Variants in STARD5 observed in about 807,000 individuals in gnomAD.
STARD5 encodes the protein StAR related lipid transfer domain containing 5, also known as stAR-related lipid transfer protein 5.
In STARD5, 26 loss-of-function variants were observed where a neutral mutation model predicts 24.6. The ratio of observed to expected loss-of-function variants is 1.06; its 90% CI spans 0.77 to 1.47. STARD5 has a LOEUF of 1.47. STARD5 is among the 40% of genes most tolerant of loss of function. The pLI is 0.00. For missense variants in STARD5, 254 were observed against 270.8 expected (o/e 0.94, Z 0.44); for synonymous variants, 101 against 99.7 (o/e 1.01, Z -0.07).
chr15:81,316,750 G>T (rs1201188893), intron 5 of STARD5, among the ~76,000 whole-genome samples: 1 of 152,214 alleles, frequency 6.6e-6, no homozygotes, highest in Non-Finnish European at 1.5e-5. Context: ...ACAGCCTCAT[G>T]AGAATAACTG....
In STARD5 at chr15:81,309,494, C is replaced by T. The variant is rs1900742717; in HGVS notation, c.*3762G>A. ...TGCCTTGGAAGTTGCATGGCATCACCTCCACCATACTCCATCAGTTAGAGC... is the reference window on the plus strand; with the variant it reads ...TGCCTTGGAAGTTGCATGGCATCACTTCCACCATACTCCATCAGTTAGAGC... On this transcript the variant is annotated 3_prime_UTR_variant, in exon 6 of 6. Coordinates refer to ENST00000302824, the MANE Select transcript of STARD5 (RefSeq NM_181900.3). 6.6e-6 allele frequency: 1 copy of T among 152,394 alleles called. No homozygotes were observed. The highest frequency in any genetic ancestry group is 1.5e-5 in the Non-Finnish European group (1 of 68,124). 9.4% of individuals were successfully genotyped at this position (152,394 alleles called of 1,614,324 possible).
chr15:81,323,061 C>G (rs1893321981), intron 1 of STARD5, 113 bp from the exon 2 acceptor site: 8 of 1,117,574 alleles, frequency 7.2e-6, no homozygotes, highest in Non-Finnish European at 1.1e-5. Context: ...TACGACTCTC[C>G]AAGGCTGTGC....
At position 81,311,110 on chromosome 15, in the gene STARD5, G is replaced by A. The variant is rs1466050106; in HGVS notation, c.*2146C>T. The A allele has an allele frequency of 6.6e-6, 1 of 152,208 alleles. No individual in the cohort carries two copies. The highest frequency in any genetic ancestry group is 2.4e-5 in the African/African-American group (1 of 41,444). The allele number at this position is 152,208 out of a possible 1,614,324, so 9.4% of individuals were successfully genotyped here. ...CATCCATTTGCGTTCCATGATGCTG[G>A]GATTTACACTTGAGGCTTAGCTTTG... On this transcript the variant is annotated 3_prime_UTR_variant, in exon 6 of 6. Coordinates refer to ENST00000302824, the MANE Select transcript of STARD5 (RefSeq NM_181900.3).
At chr15:81,318,586 C>T in intron 4 of STARD5, 84 bp from the exon 5 acceptor site, 1 of 1,235,250 alleles carries the variant, frequency 8.1e-7, no homozygotes, top group Non-Finnish European at 1.2e-6. Context: ...GCACACAGAC[C>T]AGACTACCTG....
At chr15:81,315,824 G>C (rs1901070606) in intron 5 of STARD5, among the ~76,000 whole-genome samples, 1 of 152,182 alleles carries the variant, frequency 6.6e-6, no homozygotes, top group African/African-American at 2.4e-5. Context: ...GTGGAGTGCA[G>C]ACGATGCTAA....
Position 81,324,108 on chromosome 15 carries a change from G to C in STARD5, c.-9C>G. 7.0e-7 allele frequency: 1 copy of C among 1,419,248 alleles called. No homozygotes were observed. The highest frequency in any genetic ancestry group is 9.3e-7 in the Non-Finnish European group (1 of 1,074,544). 87.9% of individuals were successfully genotyped at this position (1,419,248 alleles called of 1,614,324 possible). A position where few individuals can be genotyped will look rare whatever the true frequency, so the allele number is the denominator to read the frequency against. Reference sequence around the variant, plus strand: ...GCCAGCGCCGGGTCCATTGCGTCGGGAGCTGCGCTTAGCTGCGGGGTCGCG... The same window carrying C: ...GCCAGCGCCGGGTCCATTGCGTCGGCAGCTGCGCTTAGCTGCGGGGTCGCG... On this transcript the variant is annotated 5_prime_UTR_variant, in exon 1 of 6. Transcript: ENST00000302824.
chr15:81,313,216 A>G lies in STARD5; in HGVS notation c.*40T>C. 1.4e-6 allele frequency: 2 copies of G among 1,481,342 alleles called. No homozygotes were observed. The highest frequency in any genetic ancestry group is 5.3e-5 in the East Asian group (2 of 37,942). The allele number at this position is 1,481,342 out of a possible 1,614,324, so 91.8% of individuals were successfully genotyped here. A position where few individuals can be genotyped will look rare whatever the true frequency, so the allele number is the denominator to read the frequency against. On this transcript the variant is annotated 3_prime_UTR_variant, in exon 6 of 6. Coordinates refer to ENST00000302824, the MANE Select transcript of STARD5 (RefSeq NM_181900.3). Reference sequence around the variant, plus strand: ...GTGTCCCAACAGCTGGAGCTCCTCGATGAGTCACGGGAGTTCTTTGCCAAG... The same window carrying G: ...GTGTCCCAACAGCTGGAGCTCCTCGGTGAGTCACGGGAGTTCTTTGCCAAG...
intron 3 of STARD5, among the ~76,000 whole-genome samples, chr15:81,321,377 C>T (rs917370853): frequency 6.6e-6 from 1 of 151,758 alleles, no homozygotes; most frequent in Non-Finnish European, 1.5e-5. Context: ...TTTGGGGGGT[C>T]GAGGTGGGGG....
At position 81,322,545 on chromosome 15, in the gene STARD5, A is replaced by T; in HGVS notation, c.150-5T>A. 6.2e-7 allele frequency: 1 copy of T among 1,614,088 alleles called. No homozygotes were observed. Among genetic ancestry groups the T allele is most frequent in the Non-Finnish European group, 8.5e-7 (1 of 1,180,006 alleles). ...ACAATGCCTTCTCCTCGGTACCTGG[A>T]GCACGAAAAGGAATTTGACCCCAAC... On this transcript the variant is annotated splice_polypyrimidine_tract_variant and splice_region_variant and intron_variant, in intron 2 of 5. Transcript: ENST00000302824.
rs187886656 is a variant in STARD5 at position 81,318,318 on chromosome 15, C to T, written c.494+91G>A. 139 of 1,047,686 alleles carry T rather than the reference C, an allele frequency of 1.3e-4. 3 individuals are homozygous for T. In the East Asian group the frequency reaches 2.9e-3, roughly 22 times the overall value. The allele number at this position is 1,047,686 out of a possible 1,614,324, so 64.9% of individuals were successfully genotyped here. A position where few individuals can be genotyped will look rare whatever the true frequency, so the allele number is the denominator to read the frequency against. ...ATAAGGCATTTTTCTTCTTTTGAAT[C>T]GTAGTCAAAGTGCCCCTTTTCACAG... On this transcript the variant is annotated intron_variant, in intron 5 of 5. Transcript: ENST00000302824.
At chr15:81,317,247 G>A (rs186477548) in intron 5 of STARD5, among the ~76,000 whole-genome samples, 6 of 148,766 alleles carry the variant, frequency 4.0e-5, no homozygotes, top group East Asian at 4.0e-4. Context: ...GCATGAGGGC[G>A]TGATGCTACC....
At chr15:81,315,585 T>C (rs1901064985) in intron 5 of STARD5, among the ~76,000 whole-genome samples, 1 of 152,114 alleles carries the variant, frequency 6.6e-6, no homozygotes, top group Admixed American at 6.5e-5. Context: ...GAAATGACAC[T>C]GTAATGCTGC....
intron 3 of STARD5, among the ~76,000 whole-genome samples, chr15:81,321,946 A>G (rs1200382464): frequency 6.6e-6 from 1 of 152,248 alleles, no homozygotes; most frequent in East Asian, 1.9e-4. Flanking sequence ...TTAGTTGTAA[A>G]CTAAATGTTA....
chr15:81,309,139 G>C lies in STARD5; in HGVS notation c.*4117C>G, dbSNP rs143595082. 13 of 228,514 alleles carry C rather than the reference G, an allele frequency of 5.7e-5. No individual in the cohort carries two copies. The highest frequency in any genetic ancestry group is 2.7e-4 in the African/African-American group (12 of 43,958). 14.2% of individuals were successfully genotyped at this position (228,514 alleles called of 1,614,324 possible). On this transcript the variant is annotated 3_prime_UTR_variant, in exon 6 of 6. Transcript: ENST00000302824. Reference sequence around the variant, plus strand: ...GCAAAATGTTTCAAGTACTGTAACTGTGTCATGATTCACCCCCAAACAGTG... The same window carrying C: ...GCAAAATGTTTCAAGTACTGTAACTCTGTCATGATTCACCCCCAAACAGTG...
In STARD5 at chr15:81,314,848, T is replaced by C. The variant is rs1185083238; in HGVS notation, c.495-1445A>G. ...TTGCAGTGAGCCGAGATTACACCAT[T>C]GCACTCCAGCCTGGGTGACAAGAGC... On this transcript the variant is annotated intron_variant, in intron 5 of 5. Coordinates refer to ENST00000302824, the MANE Select transcript of STARD5 (RefSeq NM_181900.3). Among the ~76,000 whole-genome samples, 7 of 137,434 alleles carry C rather than the reference T, an allele frequency of 5.1e-5. No homozygotes were observed. The East Asian group carries it at 1.3e-3, about 26-fold the overall frequency. 90.2% of individuals were successfully genotyped at this position (137,434 alleles called of 152,430 possible).
intron 2 of STARD5, 178 bp from the exon 3 acceptor site, chr15:81,322,718 A>G: frequency 7.8e-7 from 1 of 1,286,822 alleles, no homozygotes; most frequent in Non-Finnish European, 1.1e-6. Context: ...AGAAATGGAC[A>G]GTAAGCTTTC....
chr15:81,319,334 C>G lies in STARD5; in HGVS notation c.400+5G>C. On this transcript the variant is annotated splice_donor_5th_base_variant and intron_variant, in intron 4 of 5. Coordinates refer to ENST00000302824, the MANE Select transcript of STARD5 (RefSeq NM_181900.3). ...GGCATGGCAGCTCCTCCGGGCATCA[C>G]TCACCGTTGGAACTGATGGTCCCAT... The G allele has an allele frequency of 6.2e-7, 1 of 1,608,724 alleles. No homozygotes were observed. The highest frequency in any genetic ancestry group is 1.1e-5 in the South Asian group (1 of 90,968).
At position 81,324,133 on chromosome 15, in the gene STARD5, G is replaced by T. The variant is rs368946013; in HGVS notation, c.-34C>A. On this transcript the variant is annotated 5_prime_UTR_variant, in exon 1 of 6. Coordinates refer to ENST00000302824, the MANE Select transcript of STARD5 (RefSeq NM_181900.3). ...GAGCTGCGCTTAGCTGCGGGGTCGC[G>T]GGTGTTATGAGCGGCGGCGCTGGAT... The T allele has an allele frequency of 1.0e-4, 131 of 1,308,262 alleles. 1 individual carries two copies. The highest frequency in any genetic ancestry group is 7.5e-5 in the Non-Finnish European group (76 of 1,020,104). The allele number at this position is 1,308,262 out of a possible 1,614,324, so 81.0% of individuals were successfully genotyped here.
intron 5 of STARD5, among the ~76,000 whole-genome samples, chr15:81,314,306 G>A (rs752233551): frequency 3.3e-5 from 5 of 152,270 alleles, no homozygotes; most frequent in Admixed American, 6.5e-5. Context: ...CTCAGAGGAC[G>A]GCAGGTGGCA....
Sources: gnomAD v4.1 joint callset for allele counts (sites outside exome capture counted in the v4.1 genomes callset) on GRCh38, gnomAD v4.1.1 for gene constraint, MANE v1.5 for transcripts, NCBI Gene and HGNC (gene_info 2026-07-23, HGNC 2026-07-21) for gene names.